FBXW8: variants seen among roughly 807,000 people sequenced by gnomAD.
The protein encoded by FBXW8 is F-box and WD repeat domain containing 8.
In FBXW8, 57 loss-of-function variants were observed where a neutral mutation model predicts 65.3. That is an observed-to-expected ratio of 0.87 (90% CI 0.71 to 1.09). The LOEUF is 1.09. FBXW8 is among the 50% of genes least tolerant of loss of function. The pLI is 0.00. For missense variants in FBXW8, 777 were observed against 814.8 expected (o/e 0.95, Z 0.57); for synonymous variants, 308 against 330.2 (o/e 0.93, Z 0.73).
intron 7 of FBXW8, among the ~76,000 whole-genome samples, chr12:116,989,656 A>C (rs1015021907): frequency 1.3e-5 from 2 of 152,228 alleles, no homozygotes; most frequent in Admixed American, 6.5e-5. Context: ...AAGCTGATTT[A>C]TAGAACTCTC....
In FBXW8 at chr12:117,028,196, G is replaced by A; in HGVS notation, c.*24G>A. The stretch of plus-strand genomic sequence containing the variant: ...AGGGATGTGCCTCAGTTGGGAGCAA[G>A]GAGAAAAATGGGAAGAACCAGTTTT... On this transcript the variant is annotated 3_prime_UTR_variant, in exon 11 of 11. Transcript: ENST00000652555. The surrounding 1 kb of genome is among the most constrained non-coding windows in gnomAD (Gnocchi z 4.1). 8.1e-6 allele frequency: 13 copies of A among 1,610,640 alleles called. No homozygotes were observed. The highest frequency in any genetic ancestry group is 1.1e-5 in the Non-Finnish European group (13 of 1,177,720).
intron 7 of FBXW8, among the ~76,000 whole-genome samples, chr12:117,008,404 G>A (rs1953728449): frequency 6.6e-6 from 1 of 152,176 alleles, no homozygotes; most frequent in Non-Finnish European, 1.5e-5. Context: ...TTACTTGGAA[G>A]AATAAATTTA....
intron 1 of FBXW8, among the ~76,000 whole-genome samples, chr12:116,925,081 A>C (rs1365842971): frequency 6.6e-6 from 1 of 152,212 alleles, no homozygotes; most frequent in Non-Finnish European, 1.5e-5. Flanking sequence ...TTGGTTAAAA[A>C]AAAAAAAGAT....
intron 5 of FBXW8, among the ~76,000 whole-genome samples, chr12:116,983,244 CTCCCATCTGATATGT>C (rs1397420568): frequency 1.3e-5 from 2 of 152,334 alleles, no homozygotes; most frequent in Non-Finnish European, 2.9e-5. Context: ...GAGAGCCGAT[CTCCCATCTGATATGT>C]AGAGCCACTG....
At chr12:116,966,700 G>A (rs7967445) in intron 5 of FBXW8, among the ~76,000 whole-genome samples, 2,472 of 152,184 alleles carry the variant, frequency 0.016, 74 homozygotes, top group African/African-American at 0.057. Flanking sequence ...GGGAAACAAT[G>A]TAGGCATGAT....
intron 5 of FBXW8, among the ~76,000 whole-genome samples, chr12:116,973,642 T>G (rs1884761154): frequency 6.6e-6 from 1 of 152,212 alleles, no homozygotes; most frequent in African/African-American, 2.4e-5. Flanking sequence ...ACAAAATGAC[T>G]GGCCTGTCCT....
At chr12:117,010,598 A>G in intron 8 of FBXW8, 148 bp downstream of exon 8, 2 of 990,552 alleles carry the variant, frequency 2.0e-6, no homozygotes, top group Middle Eastern at 6.4e-4. Context: ...CTAGACTCAG[A>G]GAACAAAGTC....
intron 2 of FBXW8, among the ~76,000 whole-genome samples, chr12:116,943,704 C>G (rs1281051939): frequency 2.6e-5 from 4 of 152,188 alleles, no homozygotes; most frequent in African/African-American, 9.7e-5. Context: ...TAGCCCTATA[C>G]ATTCACGTGG....
intron 8 of FBXW8, among the ~76,000 whole-genome samples, chr12:117,022,126 C>T (rs1228998538): frequency 2.0e-5 from 3 of 152,148 alleles, no homozygotes; most frequent in Non-Finnish European, 4.4e-5. Flanking sequence ...ACAGGTCTGG[C>T]CAAAGTCACT....
intron 2 of FBXW8, among the ~76,000 whole-genome samples, chr12:116,933,021 T>TAA (rs10658502): frequency 0.54 from 81,834 of 151,834 alleles, 26,218 homozygotes; most frequent in Admixed American, 0.7. Flanking sequence ...AAAATTCACT[T>TAA]AAAAAAAATG....
chr12:116,932,532 A>G (rs1158084467), intron 2 of FBXW8, among the ~76,000 whole-genome samples: 1 of 152,146 alleles, frequency 6.6e-6, no homozygotes, highest in Non-Finnish European at 1.5e-5. Context: ...TAGACAGTTT[A>G]TGGTGTTCTA....
chr12:117,028,559 A>C lies in FBXW8; in HGVS notation c.*387A>C. The stretch of plus-strand genomic sequence containing the variant: ...CCGTCTTTTCCGTCTCCAGCCCCTT[A>C]CCTCTTTTCCTCCGAGGGCCTTTGG... On this transcript the variant is annotated 3_prime_UTR_variant, in exon 11 of 11. Coordinates refer to ENST00000652555, the MANE Select transcript of FBXW8 (RefSeq NM_153348.3). The surrounding 1 kb of genome is among the most constrained non-coding windows in gnomAD (Gnocchi z 4.1). The C allele has an allele frequency of 5.4e-6, 1 of 186,540 alleles. No individual in the cohort carries two copies. Among genetic ancestry groups the C allele is most frequent in the Non-Finnish European group, 1.1e-5 (1 of 88,058 alleles). The allele number at this position is 186,540 out of a possible 1,614,324, so 11.6% of individuals were successfully genotyped here.
At chr12:116,930,213 T>C (rs899565793) in intron 2 of FBXW8, among the ~76,000 whole-genome samples, 2 of 152,228 alleles carry the variant, frequency 1.3e-5, no homozygotes, top group African/African-American at 4.8e-5. Context: ...CTGAATCATA[T>C]GGTAGTTATA....
At chr12:116,964,923 C>A in intron 5 of FBXW8, 69 bp downstream of exon 5, 1 of 1,483,464 alleles carries the variant, frequency 6.7e-7, no homozygotes, top group Non-Finnish European at 9.0e-7. Flanking sequence ...GCAGCTGTGG[C>A]CGGCTCCCCC....
intron 8 of FBXW8, among the ~76,000 whole-genome samples, chr12:117,014,191 C>T (rs879417810): frequency 6.6e-6 from 1 of 152,192 alleles, no homozygotes; most frequent in Non-Finnish European, 1.5e-5. Flanking sequence ...TGGACTCTTT[C>T]CTGTGTCATC....
rs1565951664 is a variant in FBXW8 at position 117,030,311 on chromosome 12, G to A, written c.*2139G>A. 1 of 152,166 alleles carries A rather than the reference G, an allele frequency of 6.6e-6. No homozygotes were observed. Among genetic ancestry groups the A allele is most frequent in the African/African-American group, 2.4e-5 (1 of 41,436 alleles). The allele number at this position is 152,166 out of a possible 1,614,324, so 9.4% of individuals were successfully genotyped here. On this transcript the variant is annotated 3_prime_UTR_variant, in exon 11 of 11. Transcript: ENST00000652555. ...TACCTGCAGGCAGATGGACCGGAGGGTTTTCTGCTTCCTTTCAACCAGATA... is the reference window on the plus strand; with the variant it reads ...TACCTGCAGGCAGATGGACCGGAGGATTTTCTGCTTCCTTTCAACCAGATA...
In FBXW8 at chr12:116,985,240, G is replaced by T; in HGVS notation, c.870G>T (p.Lys290Asn). The T allele has an allele frequency of 6.2e-7, 1 of 1,612,984 alleles. No individual in the cohort carries two copies. Among genetic ancestry groups the T allele is most frequent in the Non-Finnish European group, 8.5e-7 (1 of 1,179,754 alleles). ...ATATTTGGGATTTAAGGACCGGAAA[G>T]TACCCTGTTCATCGTTTTGAGCACG... ...FLNIWDLRTG[K>N]YPVHRFEHDA... The change falls in exon 6 of 11, where the codon AAG (lysine) becomes AAT (asparagine). Residue 290 changes from lysine to asparagine, a missense_variant. Coordinates refer to ENST00000652555, the MANE Select transcript of FBXW8 (RefSeq NM_153348.3).
At chr12:117,012,838 C>G (rs1953858845) in intron 8 of FBXW8, among the ~76,000 whole-genome samples, 1 of 152,066 alleles carries the variant, frequency 6.6e-6, no homozygotes, top group Non-Finnish European at 1.5e-5. Context: ...GAGATGAACT[C>G]TAAAGGTACA....
intron 8 of FBXW8, among the ~76,000 whole-genome samples, chr12:117,022,355 T>TAAAA (rs5801209): frequency 2.9e-5 from 4 of 139,160 alleles, no homozygotes; most frequent in African/African-American, 7.7e-5. Flanking sequence ...AAGAAACTAT[T>TAAAA]AAAAAAAAAA....
Sources: allele counts gnomAD v4.1 joint callset (sites outside exome capture counted in the v4.1 genomes callset), GRCh38; gene constraint gnomAD v4.1.1; non-coding constraint Gnocchi (gnomAD v3.1); transcripts MANE v1.5; gene names NCBI Gene and HGNC (gene_info 2026-07-23, HGNC 2026-07-21).